RSPH14: variants seen among roughly 807,000 people sequenced by gnomAD.
RSPH14 encodes the protein radial spoke head 14 homolog.
RSPH14 carries 20 observed loss-of-function variants against 26.7 expected under a neutral mutation model. The observed-to-expected ratio is 0.75, with a 90% CI of 0.53 to 1.09. The LOEUF (loss-of-function observed/expected upper bound fraction) is 1.09. Among genes scored for constraint, RSPH14 ranks in the 50% least tolerant of loss-of-function variants. The pLI is 0.00. For synonymous variants in RSPH14, 177 were observed against 189.3 expected (o/e 0.93, Z 0.53); for missense variants, 449 against 457.2 (o/e 0.98, Z 0.16).
chr22:23,117,683 C>T (rs1208298121), intron 4 of RSPH14, among the ~76,000 whole-genome samples: 2 of 152,222 alleles, frequency 1.3e-5, no homozygotes, highest in African/African-American at 4.8e-5. Context: ...CCCGTGTCAG[C>T]ACCTTTGTGC....
chr22:23,156,087 G>A, the RSPH14 span: 59 of 1,500,932 alleles, frequency 3.9e-5, no homozygotes, highest in South Asian at 9.6e-5. Flanking sequence ...GGTCCCTGCC[G>A]GGCTCCACAG....
chr22:23,155,893 C>G, the RSPH14 span: 1 of 1,387,352 alleles, frequency 7.2e-7, no homozygotes, highest in Non-Finnish European at 9.8e-7. Flanking sequence ...CCCATGGTCC[C>G]GTAGCCTGTT....
At chr22:23,096,172 C>G (rs1412507158) in intron 4 of RSPH14, 6 of 1,613,310 alleles carry the variant, frequency 3.7e-6, no homozygotes, top group Non-Finnish European at 4.2e-6. Context: ...ACCTGAACGA[C>G]CTGGAGCGCA....
upstream of RSPH14, among the ~76,000 whole-genome samples, chr22:23,144,009 G>A (rs1006874151): frequency 4.8e-5 from 7 of 146,868 alleles, no homozygotes; most frequent in South Asian, 1.1e-3. Context: ...CAGGAGAATC[G>A]CTTGAGCCGG....
intron 4 of RSPH14, among the ~76,000 whole-genome samples, chr22:23,078,626 G>A (rs950475352): frequency 3.9e-5 from 6 of 152,230 alleles, no homozygotes; most frequent in South Asian, 2.1e-4. Flanking sequence ...TGGCCACTGC[G>A]GTCCCCAGGG....
chr22:23,152,532 A>G, the RSPH14 span: 7 of 1,613,986 alleles, frequency 4.3e-6, no homozygotes, highest in Middle Eastern at 5.0e-4. Flanking sequence ...CACAGGTACA[A>G]GGCTTCCTCT....
At position 23,124,762 on chromosome 22, in the gene RSPH14, G is replaced by A. The variant is rs558447704; in HGVS notation, c.421+9264C>T. 15 of 165,174 alleles carry A rather than the reference G, an allele frequency of 9.1e-5. No individual in the cohort carries two copies. In the East Asian group the frequency reaches 2.5e-3, roughly 28 times the overall value. The allele number at this position is 165,174 out of a possible 1,614,324, so 10.2% of individuals were successfully genotyped here. On this transcript the variant is annotated intron_variant, in intron 4 of 6. Coordinates refer to ENST00000216036, the MANE Select transcript of RSPH14 (RefSeq NM_014433.3). ...AGGCCCTGCTGGGACCCTGATCTGG[G>A]CCTTCCTGTCCCAGGGCCTATGGGC...
chr22:23,143,863 G>A (rs548575817), upstream of RSPH14, among the ~76,000 whole-genome samples: 24 of 152,258 alleles, frequency 1.6e-4, no homozygotes, highest in Non-Finnish European at 1.0e-4. Flanking sequence ...AGCCAAGGCC[G>A]GCGGATCACA....
At chr22:23,124,214 GT>G (rs755464439) in intron 4 of RSPH14, 3,169 of 146,264 alleles carry the variant, frequency 0.022, 41 homozygotes, top group African/African-American at 0.069. Flanking sequence ...TTGTTTTTTG[GT>G]TTTTTTTTTT....
the RSPH14 span, among the ~76,000 whole-genome samples, chr22:23,172,843 G>A: frequency 2.6e-5 from 4 of 151,594 alleles, no homozygotes; most frequent in East Asian, 2.0e-4. Context: ...CCAGCTACTC[G>A]GGAGGCTGAG....
upstream of RSPH14, among the ~76,000 whole-genome samples, chr22:23,144,448 AATAG>A (rs2070674294): frequency 6.6e-6 from 1 of 152,198 alleles, no homozygotes; most frequent in African/African-American, 2.4e-5. Context: ...GATCCATTGA[AATAG>A]ATAGTTGCGT....
At chr22:23,146,581 T>C, upstream of RSPH14, 1 of 1,611,858 alleles carries the variant, frequency 6.2e-7, no homozygotes, top group Non-Finnish European at 8.5e-7. Flanking sequence ...TCCTTAACTG[T>C]CTTTCTCCTG....
At chr22:23,094,185 G>A (rs867482338) in intron 4 of RSPH14, among the ~76,000 whole-genome samples, 2 of 152,146 alleles carry the variant, frequency 1.3e-5, no homozygotes, top group Non-Finnish European at 2.9e-5. Flanking sequence ...GGGAGGCTGC[G>A]TGGGTCTCCG....
the RSPH14 span, among the ~76,000 whole-genome samples, chr22:23,167,017 C>T: frequency 2.4e-4 from 36 of 152,182 alleles, no homozygotes; most frequent in African/African-American, 6.5e-4. Context: ...GCCCTGTCCC[C>T]GCCTGACAGG....
At position 23,127,231 on chromosome 22, in the gene RSPH14, CTG is replaced by C. The variant is rs1334637734; in HGVS notation, c.421+6793_421+6794del. Among the ~76,000 whole-genome samples, 4 of 152,346 alleles carry C rather than the reference CTG, an allele frequency of 2.6e-5. No individual in the cohort carries two copies. The South Asian group carries it at 6.2e-4, about 24-fold the overall frequency. ...TGCACCATGAGGACTTGAGGCAACACTGAGGCTGGACCTCACCCTGGATGAGC... is the reference window on the plus strand; with the variant it reads ...TGCACCATGAGGACTTGAGGCAACACAGGCTGGACCTCACCCTGGATGAGC... On this transcript the variant is annotated intron_variant, in intron 4 of 6. Coordinates refer to ENST00000216036, the MANE Select transcript of RSPH14 (RefSeq NM_014433.3).
At chr22:23,079,901 G>A (rs946234514) in intron 4 of RSPH14, among the ~76,000 whole-genome samples, 3 of 152,194 alleles carry the variant, frequency 2.0e-5, no homozygotes, top group African/African-American at 7.2e-5. Flanking sequence ...CCCCAAGGTA[G>A]GGGATGGGAT....
At chr22:23,120,620 CAGAG>C (rs2069990597) in intron 4 of RSPH14, among the ~76,000 whole-genome samples, 1 of 152,176 alleles carries the variant, frequency 6.6e-6, no homozygotes, top group Non-Finnish European at 1.5e-5. Context: ...CATCAGGGCT[CAGAG>C]AGGCAGACCC....
the RSPH14 span, among the ~76,000 whole-genome samples, chr22:23,165,180 A>G: frequency 6.6e-6 from 1 of 152,196 alleles, no homozygotes; most frequent in African/African-American, 2.4e-5. Context: ...GGCCCACAGT[A>G]GGTGCTCAAT....
chr22:23,085,967 G>C (rs900065090), intron 4 of RSPH14, among the ~76,000 whole-genome samples: 1 of 152,216 alleles, frequency 6.6e-6, no homozygotes, highest in Non-Finnish European at 1.5e-5. Context: ...GCTAATCCCC[G>C]CTGTTTAAGC....
Sources: allele counts gnomAD v4.1 joint callset (sites outside exome capture counted in the v4.1 genomes callset), GRCh38; gene constraint gnomAD v4.1.1; transcripts MANE v1.5; gene names NCBI Gene and HGNC (gene_info 2026-07-23, HGNC 2026-07-21).